The following NCMAP variants were observed in gnomAD, a reference collection of about 807,000 sequenced individuals.
The protein encoded by NCMAP is noncompact myelin-associated protein.
NCMAP carries 8 observed loss-of-function variants against 7.8 expected under a neutral mutation model. The observed-to-expected ratio is 1.02, with a 90% CI of 0.60 to 1.84. The LOEUF is 1.84. Ranked by LOEUF, NCMAP falls within the 40% of genes most tolerant of loss-of-function variation. NCMAP has a pLI of 0.00. For synonymous variants in NCMAP, 41 were observed against 52.9 expected, an observed-to-expected ratio of 0.78 and a Z score of 0.98; for missense variants, 112 against 131.4, an observed-to-expected ratio of 0.85 and a Z score of 0.72.
intron 1 of NCMAP, among the ~76,000 whole-genome samples, chr1:24,562,134 T>A (rs1482141082): frequency 6.6e-6 from 1 of 152,254 alleles, no homozygotes; most frequent in African/African-American, 2.4e-5. Flanking sequence ...TAAGGGTAAC[T>A]GGTTTGCCCA....
At chr1:24,580,126 G>A (rs1445004798) in intron 1 of NCMAP, among the ~76,000 whole-genome samples, 2 of 152,350 alleles carry the variant, frequency 1.3e-5, no homozygotes, top group African/African-American at 4.8e-5. Context: ...GCCTGCGGCA[G>A]CACTGCCCAA....
chr1:24,561,089 T>C (rs961146227), intron 1 of NCMAP, among the ~76,000 whole-genome samples: 2 of 149,918 alleles, frequency 1.3e-5, no homozygotes, highest in African/African-American at 5.0e-5. Flanking sequence ...TCCCAGCACT[T>C]TGGGAGGCCG....
intron 1 of NCMAP, among the ~76,000 whole-genome samples, chr1:24,562,136 G>A (rs879865377): frequency 6.6e-6 from 1 of 152,100 alleles, no homozygotes; most frequent in Non-Finnish European, 1.5e-5. Context: ...AGGGTAACTG[G>A]TTTGCCCAGA....
At chr1:24,571,827 C>A (rs1287361907) in intron 1 of NCMAP, among the ~76,000 whole-genome samples, 2 of 150,766 alleles carry the variant, frequency 1.3e-5, no homozygotes, top group Non-Finnish European at 2.9e-5. Context: ...CTCAAGTGAT[C>A]CGCCTGCCTC....
rs1024094272 is a variant in NCMAP at position 24,592,714 on chromosome 1, C to T, written c.-7-2710C>T. 2.6e-5 allele frequency among the ~76,000 whole-genome samples: 4 copies of T among 151,858 alleles called. No homozygotes were observed. In the East Asian group the frequency reaches 7.8e-4, roughly 30 times the overall value. ...CAGGTGGATCATGAGGTCAGGAGATCGAGACCATCTTGGCTAACACAGTGA... is the reference window on the plus strand; with the variant it reads ...CAGGTGGATCATGAGGTCAGGAGATTGAGACCATCTTGGCTAACACAGTGA... On this transcript the variant is annotated intron_variant, in intron 1 of 3. Transcript: ENST00000374392.
chr1:24,603,427 A>G (rs1652577139), intron 3 of NCMAP, among the ~76,000 whole-genome samples: 1 of 152,214 alleles, frequency 6.6e-6, no homozygotes, highest in Non-Finnish European at 1.5e-5. Flanking sequence ...AGTGGCATCA[A>G]ACCCCAATGT....
chr1:24,561,327 A>G (rs552341955), intron 1 of NCMAP, among the ~76,000 whole-genome samples: 5 of 152,290 alleles, frequency 3.3e-5, no homozygotes, highest in African/African-American at 1.2e-4. Flanking sequence ...AGCCTGGGTG[A>G]CAAGAGTGAA....
intron 1 of NCMAP, among the ~76,000 whole-genome samples, chr1:24,558,981 T>C (rs11249133): frequency 0.087 from 13,152 of 152,032 alleles, 673 homozygotes; most frequent in Middle Eastern, 0.13. Flanking sequence ...AAAAACCTCA[T>C]GTATGATGAA....
In NCMAP at chr1:24,605,633, G is replaced by T. The variant is rs529204244; in HGVS notation, c.195G>T (p.Glu65Asp). 6.2e-7 allele frequency: 1 copy of T among 1,614,220 alleles called. No homozygotes were observed. Among genetic ancestry groups the T allele is most frequent in the East Asian group, 2.2e-5 (1 of 44,884 alleles). Residue 65 changes from glutamate (E) to aspartate (D), a missense_variant, in exon 4 of 4, where the codon GAG becomes GAT. Glu to Asp is a conservative substitution (Grantham distance 45). Coordinates refer to ENST00000374392, the MANE Select transcript of NCMAP (RefSeq NM_001010980.5). ...NRKMRTRREL[E>D]PKGPKPTAPS... ...AAATGAGGACGAGGCGGGAACTAGA[G>T]CCCAAGGGCCCCAAGCCAACCGCCC...
At chr1:24,586,076 G>A (rs897191883) in intron 1 of NCMAP, among the ~76,000 whole-genome samples, 2 of 152,196 alleles carry the variant, frequency 1.3e-5, no homozygotes, top group Non-Finnish European at 2.9e-5. Flanking sequence ...GGCAATTATG[G>A]TATCTCATTT....
rs1387903114 is a variant in NCMAP, at chr1:24,576,784, T to C, written c.-7-18640T>C. 6.6e-6 allele frequency among the ~76,000 whole-genome samples: 1 copy of C among 152,038 alleles called. No individual in the cohort carries two copies. The highest frequency in any genetic ancestry group is 2.4e-5 in the African/African-American group (1 of 41,392). On this transcript the variant is annotated intron_variant, in intron 1 of 3. Transcript: ENST00000374392. This position sits in a 1 kb window ranked among gnomAD's most constrained non-coding sequence, Gnocchi z 4.0. Reference sequence around the variant, plus strand: ...TGTTGGAGTTTTCAAGATGGCCGTGTTAAGTAGGTGAGGTAGTGAGCCCCA... The same window carrying C: ...TGTTGGAGTTTTCAAGATGGCCGTGCTAAGTAGGTGAGGTAGTGAGCCCCA...
intron 1 of NCMAP, among the ~76,000 whole-genome samples, chr1:24,592,326 T>C (rs1290077477): frequency 6.6e-6 from 1 of 152,154 alleles, no homozygotes; most frequent in African/African-American, 2.4e-5. Flanking sequence ...GAACATGAGC[T>C]TCCCAAGGCA....
chr1:24,594,699 A>AATG (rs898035785), intron 1 of NCMAP, among the ~76,000 whole-genome samples: 5 of 152,096 alleles, frequency 3.3e-5, no homozygotes, highest in Non-Finnish European at 7.4e-5. Context: ...CTCATAGCCC[A>AATG]ATGGCTCATG....
At chr1:24,559,183 G>C (rs764740728) in intron 1 of NCMAP, among the ~76,000 whole-genome samples, 1 of 152,152 alleles carries the variant, frequency 6.6e-6, no homozygotes, top group South Asian at 2.1e-4. Context: ...CGGAAGCAGC[G>C]GCCGGTTTGT....
intron 1 of NCMAP, among the ~76,000 whole-genome samples, chr1:24,570,270 T>G (rs188501845): frequency 6.6e-6 from 1 of 150,832 alleles, no homozygotes; most frequent in East Asian, 1.9e-4. Context: ...AACAATATGC[T>G]TTTTGCTTAG....
At chr1:24,563,453 C>A (rs540652841) in intron 1 of NCMAP, among the ~76,000 whole-genome samples, 4 of 148,722 alleles carry the variant, frequency 2.7e-5, no homozygotes, top group Non-Finnish European at 4.4e-5. Context: ...ACCTGGGAGG[C>A]GGAGGTTGCG....
intron 1 of NCMAP, among the ~76,000 whole-genome samples, chr1:24,559,771 G>C (rs1430301490): frequency 6.6e-6 from 1 of 152,140 alleles, no homozygotes; most frequent in Non-Finnish European, 1.5e-5. Context: ...AGATGAGCAG[G>C]GCGTTAAGCC....
At chr1:24,584,602 G>A (rs139994169) in intron 1 of NCMAP, among the ~76,000 whole-genome samples, 1,749 of 152,234 alleles carry the variant, frequency 0.011, 27 homozygotes, top group Non-Finnish European at 0.018. Context: ...CACAGGCTGC[G>A]GCTTTTGCCA....
At chr1:24,562,520 G>A (rs1481549046) in intron 1 of NCMAP, among the ~76,000 whole-genome samples, 1 of 152,140 alleles carries the variant, frequency 6.6e-6, no homozygotes. Context: ...CACAATGCCC[G>A]CTACATACCA....
Sources: gnomAD v4.1 joint callset for allele counts (sites outside exome capture counted in the v4.1 genomes callset) on GRCh38, gnomAD v4.1.1 for gene constraint, Gnocchi (gnomAD v3.1) non-coding constraint, MANE v1.5 for transcripts, NCBI Gene and HGNC (gene_info 2026-07-23, HGNC 2026-07-21) for gene names.